The following CCDC69 variants were observed in gnomAD, a reference collection of about 807,000 sequenced individuals.
CCDC69 encodes the protein coiled-coil domain-containing protein 69.
CCDC69 carries 38 observed loss-of-function variants against 40.3 expected under a neutral mutation model. The observed-to-expected ratio is 0.94, with a 90% CI of 0.73 to 1.24. CCDC69 has a LOEUF of 1.24. CCDC69 is among the 50% of genes most tolerant of loss of function. CCDC69 has a pLI of 0.00. For synonymous variants in CCDC69, 141 were observed against 138.9 expected (o/e 1.02, Z -0.11); for missense variants, 389 against 357.9 (o/e 1.09, Z -0.70).
At chr5:151,184,691 T>C (rs1752452165) in intron 7 of CCDC69, 7 of 403,902 alleles carry the variant, frequency 1.7e-5, no homozygotes, top group Admixed American at 3.8e-5. Flanking sequence ...CATGAGTTCA[T>C]GGAAGAAAGA....
chr5:151,183,445 C>A lies in CCDC69; in HGVS notation c.883G>T (p.Ala295Ser), dbSNP rs574161078. ...PVTPTEVSFLAT is the reference protein window; with the variant it reads ...PVTPTEVSFLST ...GGCCCAGGCCCTGCACCCTATGTGG[C>A]GAGGAAAGAGACCTCAGTGGGAGTG... Residue 295 changes from alanine to serine, a missense_variant, in exon 9 of 9, where the codon GCC becomes TCC. Ala to Ser is a moderately conservative substitution (Grantham distance 99). Coordinates refer to ENST00000355417, the MANE Select transcript of CCDC69 (RefSeq NM_015621.3). The A allele has an allele frequency of 1.2e-6, 2 of 1,601,658 alleles. No individual in the cohort carries two copies. The highest frequency in any genetic ancestry group is 2.3e-5 in the East Asian group (1 of 44,402).
intron 1 of CCDC69, among the ~76,000 whole-genome samples, chr5:151,217,915 A>G (rs1472564573): frequency 3.9e-5 from 6 of 152,238 alleles, no homozygotes; most frequent in Non-Finnish European, 7.3e-5. Context: ...TCCTTAAGGA[A>G]GGCACAGGGG....
At chr5:151,202,206 A>AG in intron 2 of CCDC69, among the ~76,000 whole-genome samples, 1 of 151,426 alleles carries the variant, frequency 6.6e-6, no homozygotes, top group East Asian at 1.9e-4. Context: ...AAAAAAAAAA[A>AG]AAAAAAAAGC....
chr5:151,182,446 G>C lies in CCDC69; in HGVS notation c.*991C>G, dbSNP rs1440684463. On this transcript the variant is annotated 3_prime_UTR_variant, in exon 9 of 9. Coordinates refer to ENST00000355417, the MANE Select transcript of CCDC69 (RefSeq NM_015621.3). ...TAAGGCAGGGAGCAGGAATGAAAAA[G>C]AAACTAAGTGGGTGAGGGCCAGGGA... is the stretch of plus-strand genomic sequence containing the variant. 6.7e-6 allele frequency: 1 copy of C among 148,328 alleles called. No individual in the cohort carries two copies. Among genetic ancestry groups the C allele is most frequent in the Non-Finnish European group, 1.5e-5 (1 of 67,418 alleles). The allele number at this position is 148,328 out of a possible 1,614,324, so 9.2% of individuals were successfully genotyped here. A position where few individuals can be genotyped will look rare whatever the true frequency, so the allele number is the denominator to read the frequency against.
rs535415597 is a variant in CCDC69, at chr5:151,215,015, G to A, written c.48+8908C>T. Among the ~76,000 whole-genome samples, 100 of 152,294 alleles carry A rather than the reference G, an allele frequency of 6.6e-4. 1 individual carries two copies. The highest frequency in any genetic ancestry group is 2.3e-3 in the African/African-American group (94 of 41,558). The stretch of plus-strand genomic sequence containing the variant: ...CTTCCCAGGGTGTCTGCTAGTTCTG[G>A]TTGCCTCAGAGGGCCTGGAGCTGGC... On this transcript the variant is annotated intron_variant, in intron 1 of 8. Coordinates refer to ENST00000355417, the MANE Select transcript of CCDC69 (RefSeq NM_015621.3).
intron 4 of CCDC69, among the ~76,000 whole-genome samples, chr5:151,193,151 C>A (rs1268475477): frequency 6.6e-6 from 1 of 151,872 alleles, no homozygotes; most frequent in East Asian, 1.9e-4. Context: ...AGAATCAATT[C>A]CCCATGGATA....
chr5:151,212,610 T>C, intron 1 of CCDC69: 1 of 362,484 alleles, frequency 2.8e-6, no homozygotes, highest in Non-Finnish European at 5.5e-6. Flanking sequence ...TTTTAGAGGG[T>C]AAACTGACAC....
chr5:151,186,045 C>T lies in CCDC69; in HGVS notation c.473G>A (p.Arg158Gln), dbSNP rs766566754. The T allele has an allele frequency of 1.4e-5, 23 of 1,613,822 alleles. No individual in the cohort carries two copies. The highest frequency in any genetic ancestry group is 1.7e-5 in the Non-Finnish European group (20 of 1,179,810). The change falls in exon 6 of 9, where the codon CGA becomes CAA. Residue 158 changes from arginine to glutamine, a missense_variant. By Grantham distance (43) the Arg-to-Gln change is conservative. Coordinates refer to ENST00000355417, the MANE Select transcript of CCDC69 (RefSeq NM_015621.3). ...TACCTGGATATGTTTCTTATAGTTTCGGCTCAGAATGGACTCCTCCACCCT... is the reference window on the plus strand; with the variant it reads ...TACCTGGATATGTTTCTTATAGTTTTGGCTCAGAATGGACTCCTCCACCCT... ...MKRVEESILS[R>Q]NYKKHIQDYG...
rs1188280771 is a variant in CCDC69, at chr5:151,181,314, T to G, written c.*2123A>C. 6.6e-6 allele frequency: 1 copy of G among 152,238 alleles called. No homozygotes were observed. Among genetic ancestry groups the G allele is most frequent in the Non-Finnish European group, 1.5e-5 (1 of 68,076 alleles). The allele number at this position is 152,238 out of a possible 1,614,324, so 9.4% of individuals were successfully genotyped here. ...TCACTGCAAGCTCCGCCTCCTGGGT[T>G]CACACCATTCTCCAGCCTCAGCCTC... On this transcript the variant is annotated 3_prime_UTR_variant, in exon 9 of 9. Transcript: ENST00000355417.
At chr5:151,201,751 G>C (rs1752779787) in intron 2 of CCDC69, 63 bp from the exon 3 acceptor site, 2 of 1,073,572 alleles carry the variant, frequency 1.9e-6, no homozygotes, top group South Asian at 2.8e-5. Context: ...TACAGTCAGA[G>C]CTGGCAGAGA....
At chr5:151,220,679 C>T (rs1753119957) in intron 1 of CCDC69, among the ~76,000 whole-genome samples, 1 of 152,214 alleles carries the variant, frequency 6.6e-6, no homozygotes, top group Non-Finnish European at 1.5e-5. Context: ...CTGCTTGGAA[C>T]TATGGAGCTA....
At chr5:151,185,634 C>T (rs1188015400) in intron 6 of CCDC69, 93 bp from the exon 7 acceptor site, 23 of 1,314,640 alleles carry the variant, frequency 1.7e-5, no homozygotes, top group Non-Finnish European at 1.9e-5. Context: ...TCACAAGTCA[C>T]CCACCTTCCT....
chr5:151,187,861 A>C (rs1414242947), intron 4 of CCDC69, among the ~76,000 whole-genome samples: 4 of 152,188 alleles, frequency 2.6e-5, no homozygotes, highest in Non-Finnish European at 5.9e-5. Context: ...TTAGTTGTCA[A>C]ACTAAAGCAC....
At chr5:151,195,050 G>T (rs943052600) in intron 4 of CCDC69, among the ~76,000 whole-genome samples, 1 of 152,046 alleles carries the variant, frequency 6.6e-6, no homozygotes, top group Non-Finnish European at 1.5e-5. Context: ...GTCTCTCCTG[G>T]TTATCTGTGT....
In CCDC69 at chr5:151,223,997, C is replaced by A. The variant is rs778156582; in HGVS notation, c.-27G>T. 2 of 1,545,896 alleles carry A rather than the reference C, an allele frequency of 1.3e-6. No individual in the cohort carries two copies. Among genetic ancestry groups the A allele is most frequent in the Admixed American group, 4.3e-5 (2 of 46,472 alleles). On this transcript the variant is annotated 5_prime_UTR_variant, in exon 1 of 9. Transcript: ENST00000355417. ...CTCCTCCGGGGGCTCCCGGACGCCG[C>A]TTCCCAACTCCGGGGCCCCCAGAGG...
chr5:151,220,736 C>T (rs1753121758), intron 1 of CCDC69, among the ~76,000 whole-genome samples: 1 of 152,158 alleles, frequency 6.6e-6, no homozygotes, highest in African/African-American at 2.4e-5. Context: ...ATTCCTGGTA[C>T]TCTGCAGTGT....
intron 4 of CCDC69, among the ~76,000 whole-genome samples, chr5:151,189,906 C>T (rs556006404): frequency 2.6e-5 from 4 of 152,274 alleles, no homozygotes; most frequent in Admixed American, 6.5e-5. Context: ...TGTTTGTTCT[C>T]GCTGATCTTT....
chr5:151,191,322 C>G (rs1752608394), intron 4 of CCDC69, among the ~76,000 whole-genome samples: 1 of 152,108 alleles, frequency 6.6e-6, no homozygotes, highest in South Asian at 2.1e-4. Context: ...CATAAAACAG[C>G]CTGAAAATCA....
chr5:151,200,563 C>T (rs914055630), intron 3 of CCDC69, among the ~76,000 whole-genome samples: 2 of 152,196 alleles, frequency 1.3e-5, no homozygotes, highest in Admixed American at 1.3e-4. Flanking sequence ...TCCTGCTGCT[C>T]TACCCATTCC....
Sources: gnomAD v4.1 joint callset for allele counts (sites outside exome capture counted in the v4.1 genomes callset) on GRCh38, gnomAD v4.1.1 for gene constraint, MANE v1.5 for transcripts, NCBI Gene and HGNC (gene_info 2026-07-23, HGNC 2026-07-21) for gene names.